MFRP: variants seen among roughly 807,000 people sequenced by gnomAD.
MFRP encodes C1q and TNF related 5.
A neutral mutation model predicts 65.8 loss-of-function variants in MFRP; 74 were observed. That is an observed-to-expected ratio of 1.12 (90% CI 0.93 to 1.36). The LOEUF (loss-of-function observed/expected upper bound fraction) is 1.36. Among genes scored for constraint, MFRP ranks in the 40% most tolerant of loss-of-function variants. The pLI, the probability that MFRP is intolerant of heterozygous loss-of-function variation, is 0.00. For synonymous variants in MFRP, 336 were observed against 288.3 expected, an observed-to-expected ratio of 1.17 and a Z score of -1.68; for missense variants, 838 against 736.0, an observed-to-expected ratio of 1.14 and a Z score of -1.60.
Position 119,340,304 on chromosome 11 carries a change from G to A in MFRP, c.*990C>T. The A allele has an allele frequency of 6.5e-7, 1 of 1,536,288 alleles. No homozygotes were observed. The highest frequency in any genetic ancestry group is 8.8e-7 in the Non-Finnish European group (1 of 1,142,596). On this transcript the variant is annotated 3_prime_UTR_variant, in exon 14 of 15. Transcript: ENST00000619721. ...TGGCCCGGCGTGCCTGGAAGGCCGG[G>A]GTGCCCCGGGCAGAGGCTGGGGATC...
chr11:119,345,547 A>G lies in MFRP; in HGVS notation c.514T>C (p.Trp172Arg). ...DPYPPNTHCV[W>R]HIQVATDHAI... ...TGGTCTGTGGCCACCTGGATATGCC[A>G]CACGCAGTGGGTGTTGGGGGGGTAA... Residue 172 changes from tryptophan to arginine, a missense_variant, in exon 5 of 15, where the codon TGG becomes CGG. By Grantham distance (101) the Trp-to-Arg change is moderately radical (BLOSUM62 -3). Transcript: ENST00000619721. The G allele has an allele frequency of 6.2e-7, 1 of 1,614,012 alleles. No individual in the cohort carries two copies. Among genetic ancestry groups the G allele is most frequent in the South Asian group, 1.1e-5 (1 of 91,076 alleles).
At chr11:119,340,113 C>A in intron 14 of MFRP, 71 bp downstream of exon 14, 1 of 1,451,104 alleles carries the variant, frequency 6.9e-7, no homozygotes. Context: ...GAGTCCCGGA[C>A]ACCGGGAGCT....
Position 119,343,826 on chromosome 11 carries a change from G to T in MFRP, c.1114C>A (p.Leu372Ile). The T allele has an allele frequency of 6.2e-7, 1 of 1,613,966 alleles. No homozygotes were observed. Among genetic ancestry groups the T allele is most frequent in the Non-Finnish European group, 8.5e-7 (1 of 1,180,024 alleles). Residue 372 changes from leucine (L) to isoleucine (I), a missense_variant, in exon 9 of 15, where the codon CTC becomes ATC. Leu to Ile is a conservative substitution (Grantham distance 5, BLOSUM62 2). Transcript: ENST00000619721. Reference sequence around the variant, plus strand: ...CCCTGGCTCCTGTACCTGCCCAGGAGGCTGAAGGCCCCTGAGCTGCTGGTC... The same window carrying T: ...CCCTGGCTCCTGTACCTGCCCAGGATGCTGAAGGCCCCTGAGCTGCTGGTC... ...YETSSSGAFS[L>I]LGRFCGAEPP...
At chr11:119,345,728 G>A (rs371389579) in intron 4 of MFRP, 45 bp downstream of exon 4, 216 of 1,612,476 alleles carry the variant, frequency 1.3e-4, no homozygotes, top group African/African-American at 1.7e-4. Flanking sequence ...ACCCCACCCC[G>A]TCATCTTGGG....
Position 119,339,783 on chromosome 11 carries a change from G to T in MFRP, c.*1176C>A, listed in dbSNP as rs1160271113. The T allele has an allele frequency of 6.6e-7, 1 of 1,520,358 alleles. No homozygotes were observed. The highest frequency in any genetic ancestry group is 8.8e-7 in the Non-Finnish European group (1 of 1,139,266). 94.2% of individuals were successfully genotyped at this position (1,520,358 alleles called of 1,614,324 possible). A position where few individuals can be genotyped will look rare whatever the true frequency, so the allele number is the denominator to read the frequency against. On this transcript the variant is annotated 3_prime_UTR_variant, in exon 15 of 15. Transcript: ENST00000619721. This position sits in a 1 kb window ranked among gnomAD's most constrained non-coding sequence, Gnocchi z 5.4. Reference sequence around the variant, plus strand: ...GGAGGCACCGAGCACTCCCCGGCAGGCCCGGTGGGCCCCGCGGGTCCCGCC... The same window carrying T: ...GGAGGCACCGAGCACTCCCCGGCAGTCCCGGTGGGCCCCGCGGGTCCCGCC...
chr11:119,345,349 C>T (rs1950551219), intron 5 of MFRP, 71 bp downstream of exon 5: 2 of 1,492,476 alleles, frequency 1.3e-6, no homozygotes, highest in African/African-American at 1.4e-5. Context: ...TTCTCCCTGC[C>T]ACTCCCTGAT....
chr11:119,345,845 TGGTGGG>T lies in MFRP; in HGVS notation c.349_354del (p.Pro117_Thr118del). The T allele has an allele frequency of 1.9e-6, 3 of 1,613,524 alleles. No homozygotes were observed. Among genetic ancestry groups the T allele is most frequent in the Non-Finnish European group, 2.5e-6 (3 of 1,179,894 alleles). On this transcript the variant is annotated inframe_deletion, in exon 4 of 15. Coordinates refer to ENST00000619721, the MANE Select transcript of MFRP (RefSeq NM_031433.4). Reference sequence around the variant, plus strand: ...GTCCCAGCTGCCTGAGAGGTGGTGATGGTGGGGGTGGTGGTGGTCGTGGTAAGGCCT... The same window carrying T: ...GTCCCAGCTGCCTGAGAGGTGGTGATGGTGGTGGTGGTCGTGGTAAGGCCT...
chr11:119,339,931 C>G lies in MFRP; in HGVS notation c.*1111-83G>C. On this transcript the variant is annotated intron_variant, in intron 14 of 14. Transcript: ENST00000619721. The surrounding 1 kb of genome is among the most constrained non-coding windows in gnomAD (Gnocchi z 5.4). ...CGGCGACTCTAAGGTCACCGTACCC[C>G]TCCCCGCCCCTGCCTGAGCTTCGGC... is the stretch of plus-strand genomic sequence containing the variant. 1 of 1,402,530 alleles carries G rather than the reference C, an allele frequency of 7.1e-7. No individual in the cohort carries two copies. The highest frequency in any genetic ancestry group is 1.5e-5 in the South Asian group (1 of 65,644). 86.9% of individuals were successfully genotyped at this position (1,402,530 alleles called of 1,614,324 possible). A position where few individuals can be genotyped will look rare whatever the true frequency, so the allele number is the denominator to read the frequency against.
Position 119,343,805 on chromosome 11 carries a change from G to C in MFRP, c.1124+11C>G, listed in dbSNP as rs199473709. The C allele has an allele frequency of 1.3e-3, 2,108 of 1,613,826 alleles. 46 individuals are homozygous for C. In the South Asian group the frequency reaches 0.022, roughly 17 times the overall value. On this transcript the variant is annotated intron_variant, in intron 9 of 14. Coordinates refer to ENST00000619721, the MANE Select transcript of MFRP (RefSeq NM_031433.4). ...ATGGAGTTATCCATGGCTCTTCCCT[G>C]GCTCCTGTACCTGCCCAGGAGGCTG... is the stretch of plus-strand genomic sequence containing the variant.
intron 1 of MFRP, 37 bp downstream of exon 1, chr11:119,346,423 G>T: frequency 1.2e-6 from 2 of 1,613,588 alleles, no homozygotes; most frequent in Non-Finnish European, 1.7e-6. Context: ...GACCACTGGT[G>T]CTGGGTCTTA....
rs767352589 is a variant in MFRP, at chr11:119,339,780, C to G, written c.*1179G>C. ...CGCGGAGGCACCGAGCACTCCCCGG[C>G]AGGCCCGGTGGGCCCCGCGGGTCCC... On this transcript the variant is annotated 3_prime_UTR_variant, in exon 15 of 15. Transcript: ENST00000619721. This position sits in a 1 kb window ranked among gnomAD's most constrained non-coding sequence, Gnocchi z 5.4. 6.5e-7 allele frequency: 1 copy of G among 1,538,656 alleles called. No individual in the cohort carries two copies. Among genetic ancestry groups the G allele is most frequent in the South Asian group, 1.2e-5 (1 of 83,456 alleles).
chr11:119,340,149 C>T (rs1490932460), intron 14 of MFRP, 35 bp downstream of exon 14: 1 of 1,505,344 alleles, frequency 6.6e-7, no homozygotes, highest in Admixed American at 2.2e-5. Context: ...CCTGCTCGGA[C>T]ATCGCCACCG....
Position 119,345,624 on chromosome 11 carries a change from C to A in MFRP, c.437G>T (p.Gly146Val). The A allele has an allele frequency of 6.2e-7, 1 of 1,613,626 alleles. No homozygotes were observed. Among genetic ancestry groups the A allele is most frequent in the East Asian group, 2.2e-5 (1 of 44,880 alleles). ...VSPSPQSTCG[G>V]LLSGPRGFFS... ...GAAGCCCCTTGGGCCAGAGAGGAGGCCTCCACAGGCTGCAGAGATGGAGGT... is the reference window on the plus strand; with the variant it reads ...GAAGCCCCTTGGGCCAGAGAGGAGGACTCCACAGGCTGCAGAGATGGAGGT... The change falls in exon 5 of 15, where the codon GGC becomes GTC. Residue 146 changes from glycine to valine, a missense_variant. Gly to Val is a moderately radical substitution (Grantham distance 109). Transcript: ENST00000619721.
rs2135373654 is a variant in MFRP, at chr11:119,345,624, C to T, written c.437G>A (p.Gly146Asp). 2 of 1,613,626 alleles carry T rather than the reference C, an allele frequency of 1.2e-6. No homozygotes were observed. Among genetic ancestry groups the T allele is most frequent in the East Asian group, 4.5e-5 (2 of 44,880 alleles). Residue 146 changes from glycine (G) to aspartate (D), a missense_variant, in exon 5 of 15, where the codon GGC becomes GAC. Coordinates refer to ENST00000619721, the MANE Select transcript of MFRP (RefSeq NM_031433.4). The part of the protein sequence containing the change: ...VSPSPQSTCG[G>D]LLSGPRGFFS... ...GAAGCCCCTTGGGCCAGAGAGGAGG[C>T]CTCCACAGGCTGCAGAGATGGAGGT...
rs1337970779 is a variant in MFRP, at chr11:119,344,987, G to A, written c.659C>T (p.Pro220Leu). The A allele has an allele frequency of 6.2e-7, 1 of 1,606,478 alleles. No homozygotes were observed. Among genetic ancestry groups the A allele is most frequent in the East Asian group, 2.2e-5 (1 of 44,704 alleles). The change falls in exon 6 of 15, where the codon CCT becomes CTT. Residue 220 changes from proline to leucine, a missense_variant. Coordinates refer to ENST00000619721, the MANE Select transcript of MFRP (RefSeq NM_031433.4). ...GPLLRVCGRV[P>L]PPTLNTNASH... ...GGCATTGGTGTTGAGCGTGGGGGGA[G>A]GCACCCTTCCACAAACCCTGCAAGA...
chr11:119,340,254 G>C lies in MFRP; in HGVS notation c.*1040C>G, dbSNP rs1156581124. On this transcript the variant is annotated 3_prime_UTR_variant, in exon 14 of 15. Coordinates refer to ENST00000619721, the MANE Select transcript of MFRP (RefSeq NM_031433.4). ...CGTCGCGGCCGTCGCGGCCATCGCG[G>C]CCCGGCAAGCCCTGGCTGCCATGGT... 6.6e-7 allele frequency: 1 copy of C among 1,515,684 alleles called. No individual in the cohort carries two copies. The highest frequency in any genetic ancestry group is 8.8e-7 in the Non-Finnish European group (1 of 1,134,942). 93.9% of individuals were successfully genotyped at this position (1,515,684 alleles called of 1,614,324 possible). A position where few individuals can be genotyped will look rare whatever the true frequency, so the allele number is the denominator to read the frequency against.
rs147251765 is a variant in MFRP at position 119,346,319 on chromosome 11, G to A, written c.110C>T (p.Pro37Leu). The change falls in exon 2 of 15, where the codon CCA becomes CTA. Residue 37 changes from proline to leucine, a missense_variant. Coordinates refer to ENST00000619721, the MANE Select transcript of MFRP (RefSeq NM_031433.4). ...EPESGPPCPPPVFPEDASYSV... is the reference protein window; with the variant it reads ...EPESGPPCPPLVFPEDASYSV... ...GTAGCTGGCATCCTCTGGGAAAACT[G>A]GGGGAGGGCAGGGTGGCCCAGACTC... 7.2e-5 allele frequency: 117 copies of A among 1,613,994 alleles called. No homozygotes were observed. Among genetic ancestry groups the A allele is most frequent in the African/African-American group, 5.1e-4 (38 of 75,020 alleles).
chr11:119,339,572 A>T lies in MFRP; in HGVS notation c.*1387T>A. 5.0e-6 allele frequency: 8 copies of T among 1,613,482 alleles called. No individual in the cohort carries two copies. Among genetic ancestry groups the T allele is most frequent in the Non-Finnish European group, 6.8e-6 (8 of 1,180,042 alleles). On this transcript the variant is annotated 3_prime_UTR_variant, in exon 15 of 15. Transcript: ENST00000619721. This position sits in a 1 kb window ranked among gnomAD's most constrained non-coding sequence, Gnocchi z 5.4. ...GCCATTCTTCACCAGATCAAACTGC[A>T]GGCTGGCCCGGTAGACGGTGGCATG... is the stretch of plus-strand genomic sequence containing the variant.
rs145883448 is a variant in MFRP at position 119,345,865 on chromosome 11, G to T, written c.335C>A (p.Thr112Lys). ...GGTGATGGTGGGGGTGGTGGTGGTCGTGGTAAGGCCTCCGGCAGGCAGTGG... is the reference window on the plus strand; with the variant it reads ...GGTGATGGTGGGGGTGGTGGTGGTCTTGGTAAGGCCTCCGGCAGGCAGTGG... ...HSPLPAGGLT[T>K]TTTTPTITTS... The change falls in exon 4 of 15, where the codon ACG (threonine) becomes AAG (lysine). Residue 112 changes from threonine (T) to lysine (K), a missense_variant. Coordinates refer to ENST00000619721, the MANE Select transcript of MFRP (RefSeq NM_031433.4). 3 of 1,613,670 alleles carry T rather than the reference G, an allele frequency of 1.9e-6. No individual in the cohort carries two copies. Among genetic ancestry groups the T allele is most frequent in the African/African-American group, 2.7e-5 (2 of 74,894 alleles).
Sources: allele counts gnomAD v4.1 joint callset, GRCh38; gene constraint gnomAD v4.1.1; non-coding constraint Gnocchi (gnomAD v3.1); transcripts MANE v1.5; gene names NCBI Gene and HGNC (gene_info 2026-07-23, HGNC 2026-07-21).